PIWIL1: variants seen among roughly 807,000 people sequenced by gnomAD.
The protein encoded by PIWIL1 is piwi-like protein 1.
PIWIL1 carries 73 observed loss-of-function variants against 114.4 expected under a neutral mutation model. The observed-to-expected ratio is 0.64, with a 90% CI of 0.53 to 0.78. The LOEUF is 0.78. PIWIL1 is among the 30% of genes least tolerant of loss of function. The pLI is 0.00. For missense variants in PIWIL1, 723 were observed against 1,063.1 expected (o/e 0.68, Z 4.45); for synonymous variants, 375 against 369.0 (o/e 1.02, Z -0.19).
intron 16 of PIWIL1, among the ~76,000 whole-genome samples, chr12:130,362,251 G>C (rs752667098): frequency 1.4e-4 from 21 of 152,236 alleles, no homozygotes; most frequent in African/African-American, 5.1e-4. Context: ...AGTAGGCCCT[G>C]GTGTCTGTTG....
chr12:130,407,741 G>A, the PIWIL1 span: 1 of 1,613,850 alleles, frequency 6.2e-7, no homozygotes, highest in Non-Finnish European at 8.5e-7. Context: ...CATCGACGTT[G>A]GGCGAGCTTT....
chr12:130,340,843 G>T (rs2072900659), intron 1 of PIWIL1, among the ~76,000 whole-genome samples: 1 of 152,178 alleles, frequency 6.6e-6, no homozygotes, highest in Non-Finnish European at 1.5e-5. Context: ...AAAATTAGTT[G>T]TAATATGCTG....
chr12:130,419,376 G>A, the PIWIL1 span, among the ~76,000 whole-genome samples: 6 of 152,280 alleles, frequency 3.9e-5, no homozygotes, highest in Non-Finnish European at 8.8e-5. The surrounding 1 kb of genome is among the most constrained non-coding windows in gnomAD (Gnocchi z 4.3). Flanking sequence ...GCCTGGGTGG[G>A]CTCCCAAATC....
intron 1 of PIWIL1, among the ~76,000 whole-genome samples, chr12:130,341,818 T>C (rs1292396400): frequency 6.6e-6 from 1 of 152,188 alleles, no homozygotes; most frequent in Non-Finnish European, 1.5e-5. Context: ...GGTGAGAGAT[T>C]GTTACAGCTG....
chr12:130,391,506 T>C, the PIWIL1 span, among the ~76,000 whole-genome samples: 1 of 152,322 alleles, frequency 6.6e-6, no homozygotes, highest in African/African-American at 2.4e-5. Flanking sequence ...CCTCCTACTC[T>C]ATCCCCAGAG....
chr12:130,360,407 A>G (rs2073476137), intron 14 of PIWIL1, among the ~76,000 whole-genome samples: 1 of 152,164 alleles, frequency 6.6e-6, no homozygotes, highest in South Asian at 2.1e-4. Context: ...AGGCCGAGGC[A>G]GGCGGATCAC....
intron 18 of PIWIL1, among the ~76,000 whole-genome samples, chr12:130,363,758 C>T (rs1054624694): frequency 6.6e-6 from 1 of 151,626 alleles, no homozygotes; most frequent in Non-Finnish European, 1.5e-5. Flanking sequence ...GCTGGGATTA[C>T]AGGCGTGCAC....
At chr12:130,424,233 C>G in the PIWIL1 span, 4 of 1,232,004 alleles carry the variant, frequency 3.2e-6, no homozygotes, top group Non-Finnish European at 4.0e-6. This position sits in a 1 kb window ranked among gnomAD's most constrained non-coding sequence, Gnocchi z 9.8. Context: ...CCAGACACCC[C>G]GAAAATCTTG....
the PIWIL1 span, chr12:130,396,873 C>T: frequency 1.3e-5 from 2 of 152,584 alleles, no homozygotes; most frequent in African/African-American, 4.8e-5. Flanking sequence ...AAAGTATACA[C>T]TGTTTTTATT....
the PIWIL1 span, chr12:130,421,164 C>T: frequency 6.6e-6 from 1 of 152,152 alleles, no homozygotes; most frequent in Non-Finnish European, 1.5e-5. Context: ...GCTCCATAGT[C>T]CCTCCAGAGG....
chr12:130,377,075 T>C (rs1427377676), downstream of PIWIL1, among the ~76,000 whole-genome samples: 4 of 152,118 alleles, frequency 2.6e-5, no homozygotes, highest in African/African-American at 9.7e-5. Flanking sequence ...ACCCTTCGCC[T>C]CTCCTCCCCA....
intron 18 of PIWIL1, 134 bp from the exon 19 acceptor site, chr12:130,366,998 CT>C: frequency 9.9e-7 from 1 of 1,012,530 alleles, no homozygotes; most frequent in African/African-American, 1.6e-5. Context: ...CCTGATCCTT[CT>C]CCACAACCTG....
chr12:130,423,919 T>TG, the PIWIL1 span, among the ~76,000 whole-genome samples: 1 of 152,118 alleles, frequency 6.6e-6, no homozygotes, highest in Non-Finnish European at 1.5e-5. Flanking sequence ...TTACTGATTC[T>TG]GGGGGGTGGA....
Position 130,345,871 on chromosome 12 carries a change from A to T in PIWIL1, c.309A>T (p.Ser103=). The change falls in exon 4 of 21, where the codon TCA becomes TCT. Residue 103 remains serine, a synonymous_variant. Coordinates refer to ENST00000245255, the MANE Select transcript of PIWIL1 (RefSeq NM_004764.5). ...AGAACCTAGACCATGTTAAAGAATC[A>T]AAAACAGGTAGGTTAATTAAGAATA... The part of the protein sequence containing the change: ...TRQNLDHVKE[S]KTGSSGIIVR... The T allele has an allele frequency of 6.2e-7, 1 of 1,613,374 alleles. No individual in the cohort carries two copies. The highest frequency in any genetic ancestry group is 8.5e-7 in the Non-Finnish European group (1 of 1,179,680).
the PIWIL1 span, among the ~76,000 whole-genome samples, chr12:130,409,284 C>G: frequency 6.7e-6 from 1 of 148,790 alleles, no homozygotes; most frequent in Non-Finnish European, 1.5e-5. Flanking sequence ...TGTCCCAGAC[C>G]TTGACCCTTT....
the PIWIL1 span, among the ~76,000 whole-genome samples, chr12:130,423,184 A>T: frequency 6.6e-6 from 1 of 152,226 alleles, no homozygotes; most frequent in Non-Finnish European, 1.5e-5. Context: ...AAAGACAATC[A>T]CAGCAAAACC....
intron 12 of PIWIL1, among the ~76,000 whole-genome samples, chr12:130,356,481 G>A (rs1215759256): frequency 3.3e-5 from 5 of 151,802 alleles, no homozygotes; most frequent in Admixed American, 6.6e-5. Context: ...GCTGTGCCTC[G>A]CGTTTATTTC....
the PIWIL1 span, among the ~76,000 whole-genome samples, chr12:130,399,454 C>T: frequency 6.6e-6 from 1 of 152,022 alleles, no homozygotes; most frequent in East Asian, 1.9e-4. Context: ...TGAGTAAAGG[C>T]AGATTGATTG....
chr12:130,400,457 C>T, the PIWIL1 span, among the ~76,000 whole-genome samples: 6 of 152,302 alleles, frequency 3.9e-5, no homozygotes, highest in East Asian at 7.7e-4. Flanking sequence ...TGTCTAAAGT[C>T]GAGATCCATG....
Sources: allele counts gnomAD v4.1 joint callset (sites outside exome capture counted in the v4.1 genomes callset), GRCh38; gene constraint gnomAD v4.1.1; non-coding constraint Gnocchi (gnomAD v3.1); transcripts MANE v1.5; gene names NCBI Gene and HGNC (gene_info 2026-07-23, HGNC 2026-07-21).